The following GOSR2 variants were observed in gnomAD, a reference collection of about 807,000 sequenced individuals.
GOSR2 encodes 27 kDa Golgi SNARE protein.
A neutral mutation model predicts 27.9 loss-of-function variants in GOSR2; 20 were observed. The ratio of observed to expected loss-of-function variants is 0.72; its 90% CI spans 0.50 to 1.04. GOSR2 has a LOEUF of 1.04. GOSR2 is among the 50% of genes least tolerant of loss of function. The pLI, the probability that GOSR2 is intolerant of heterozygous loss-of-function variation, is 0.00. For missense variants in GOSR2, 261 were observed against 270.5 expected (o/e 0.97, Z 0.25); for synonymous variants, 91 against 98.8 (o/e 0.92, Z 0.47).
At chr17:46,942,945 C>T (rs1287778274), downstream of GOSR2, among the ~76,000 whole-genome samples, 1 of 152,178 alleles carries the variant, frequency 6.6e-6, no homozygotes, top group Non-Finnish European at 1.5e-5. Flanking sequence ...ATCCCCATGT[C>T]CCTCTAGTAC....
At chr17:46,962,251 C>A (rs1466015728) in intron 6 of GOSR2, among the ~76,000 whole-genome samples, 2 of 151,918 alleles carry the variant, frequency 1.3e-5, no homozygotes, top group African/African-American at 2.4e-5. Context: ...ATAATTTGAA[C>A]CCGGGAGGTG....
intron 2 of GOSR2, chr17:46,930,827 G>T: frequency 2.5e-6 from 1 of 392,718 alleles, no homozygotes; most frequent in Non-Finnish European, 4.6e-6. Flanking sequence ...TTTTCTAAAG[G>T]TAGGAAATTT....
intron 2 of GOSR2, 155 bp from the exon 3 acceptor site, chr17:46,930,944 A>T (rs2087274444): frequency 1.6e-6 from 1 of 639,022 alleles, no homozygotes; most frequent in East Asian, 2.7e-5. Context: ...CCTAACTTGA[A>T]TTTTTTCTGT....
At chr17:46,952,281 G>A (rs2090417819) in intron 6 of GOSR2, among the ~76,000 whole-genome samples, 1 of 152,208 alleles carries the variant, frequency 6.6e-6, no homozygotes, top group East Asian at 1.9e-4. Context: ...CCTGAAGCAG[G>A]CCTGGTCCAT....
At chr17:46,936,296 T>A (rs2088333338) in intron 5 of GOSR2, 1 of 985,208 alleles carries the variant, frequency 1.0e-6, no homozygotes, top group Non-Finnish European at 1.2e-6. Context: ...AAACTCCATG[T>A]CACACTGATG....
At chr17:46,930,547 A>G (rs928490323) in intron 2 of GOSR2, 20 of 154,352 alleles carry the variant, frequency 1.3e-4, no homozygotes, top group African/African-American at 4.6e-4. Flanking sequence ...GGGGACGTCA[A>G]CATTGCTCAG....
chr17:46,946,730 G>A (rs367627457), downstream of GOSR2, among the ~76,000 whole-genome samples: 2 of 152,128 alleles, frequency 1.3e-5, no homozygotes, highest in Non-Finnish European at 2.9e-5. Flanking sequence ...AGGCAAGTTG[G>A]TGTGCGCCTG....
chr17:46,955,554 G>C (rs1379423861), intron 6 of GOSR2: 1 of 152,122 alleles, frequency 6.6e-6, no homozygotes, highest in African/African-American at 2.4e-5. Context: ...GAAAAGACTT[G>C]ACATCTAAAC....
rs2147100357 is a variant in GOSR2, at chr17:46,941,745, T to A, written c.*2985T>A. The A allele has an allele frequency of 5.7e-6, 1 of 174,938 alleles. No individual in the cohort carries two copies. The highest frequency in any genetic ancestry group is 6.5e-5 in the Admixed American group (1 of 15,292). 10.8% of individuals were successfully genotyped at this position (174,938 alleles called of 1,614,324 possible). A position where few individuals can be genotyped will look rare whatever the true frequency, so the allele number is the denominator to read the frequency against. ...TGTGCCACCATGTCTGGCTAATTTTTTTTTTTTTTTTGTATTTTTTAGTAG... is the reference window on the plus strand; with the variant it reads ...TGTGCCACCATGTCTGGCTAATTTTATTTTTTTTTTTGTATTTTTTAGTAG... On this transcript the variant is annotated 3_prime_UTR_variant, in exon 6 of 6. Coordinates refer to ENST00000640051, the MANE Select transcript of GOSR2 (RefSeq NM_004287.5).
chr17:46,960,284 A>T (rs959085888), intron 6 of GOSR2, among the ~76,000 whole-genome samples: 2 of 152,240 alleles, frequency 1.3e-5, no homozygotes, highest in African/African-American at 4.8e-5. Flanking sequence ...GACAAATTAG[A>T]CACACAATGA....
rs189899 is a variant in GOSR2 at position 46,923,163 on chromosome 17, G to A, written c.-30G>A. The A allele has an allele frequency of 6.2e-6, 9 of 1,451,360 alleles. No individual in the cohort carries two copies. Among genetic ancestry groups the A allele is most frequent in the South Asian group, 4.9e-5 (4 of 82,102 alleles). 89.9% of individuals were successfully genotyped at this position (1,451,360 alleles called of 1,614,324 possible). A position where few individuals can be genotyped will look rare whatever the true frequency, so the allele number is the denominator to read the frequency against. On this transcript the variant is annotated 5_prime_UTR_variant, in exon 1 of 6. Coordinates refer to ENST00000640051, the MANE Select transcript of GOSR2 (RefSeq NM_004287.5). Reference sequence around the variant, plus strand: ...GAGGACGTGTTCCGAGGAAGCCAGAGCCGGAGCCGTGGCCTGCGGGGCCGG... The same window carrying A: ...GAGGACGTGTTCCGAGGAAGCCAGAACCGGAGCCGTGGCCTGCGGGGCCGG...
intron 1 of GOSR2, among the ~76,000 whole-genome samples, chr17:46,926,940 T>C (rs2086590304): frequency 6.6e-6 from 1 of 152,238 alleles, no homozygotes; most frequent in South Asian, 2.1e-4. Flanking sequence ...TGCTGGGTCA[T>C]AGCATGGACA....
chr17:46,972,004 C>G (rs1568220996), intron 6 of GOSR2, among the ~76,000 whole-genome samples: 1 of 152,164 alleles, frequency 6.6e-6, no homozygotes, highest in Non-Finnish European at 1.5e-5. Context: ...GCAGAGGGCA[C>G]AGGGCACGTG....
At chr17:46,946,282 C>CAAA (rs58163051), downstream of GOSR2, among the ~76,000 whole-genome samples, 14 of 126,726 alleles carry the variant, frequency 1.1e-4, no homozygotes, top group South Asian at 1.7e-3. Context: ...CTAAAAATAC[C>CAAA]AAAAAAAAAA....
At position 46,940,513 on chromosome 17, in the gene GOSR2, T is replaced by C. The variant is rs2089120053; in HGVS notation, c.*1753T>C. ...GCAGGACTTTTGGTAATCCATAAAATGGATTCTGAGACTGCGACGGCAAGG... is the reference window on the plus strand; with the variant it reads ...GCAGGACTTTTGGTAATCCATAAAACGGATTCTGAGACTGCGACGGCAAGG... On this transcript the variant is annotated 3_prime_UTR_variant, in exon 6 of 6. Transcript: ENST00000640051. 2 of 1,613,810 alleles carry C rather than the reference T, an allele frequency of 1.2e-6. No homozygotes were observed. The highest frequency in any genetic ancestry group is 1.7e-6 in the Non-Finnish European group (2 of 1,179,892).
At position 46,951,055 on chromosome 17, in the gene GOSR2, C is replaced by G. The variant is rs149581418; in HGVS notation, c.583+12351C>G. Among the ~76,000 whole-genome samples, 552 of 152,322 alleles carry G rather than the reference C, an allele frequency of 3.6e-3. 4 individuals are homozygous for G. The highest frequency in any genetic ancestry group is 7.0e-3 in the South Asian group (34 of 4,832). Reference sequence around the variant, plus strand: ...CCATGGCCTGTCACTGTACCATGTTCATGCCAGGCACAGCTAAGTCAGGGT... The same window carrying G: ...CCATGGCCTGTCACTGTACCATGTTGATGCCAGGCACAGCTAAGTCAGGGT... On this transcript the variant is annotated intron_variant, in intron 6 of 6. Transcript: ENST00000573224.
chr17:46,945,159 G>T (rs761825290), downstream of GOSR2, among the ~76,000 whole-genome samples: 1 of 152,238 alleles, frequency 6.6e-6, no homozygotes, highest in South Asian at 2.1e-4. Context: ...CGAGGGGCAG[G>T]AGTGGCCTGG....
chr17:46,944,150 G>C (rs893898360), downstream of GOSR2, among the ~76,000 whole-genome samples: 2 of 152,204 alleles, frequency 1.3e-5, no homozygotes, highest in Non-Finnish European at 2.9e-5. Context: ...GTACAAGAGG[G>C]GACATTCATC....
In GOSR2 at chr17:46,938,956, C is replaced by T. The variant is rs368780514; in HGVS notation, c.*196C>T. The T allele has an allele frequency of 1.6e-5, 23 of 1,473,784 alleles. No homozygotes were observed. The South Asian group carries it at 1.9e-4, about 12-fold the overall frequency. 91.3% of individuals were successfully genotyped at this position (1,473,784 alleles called of 1,614,324 possible). A position where few individuals can be genotyped will look rare whatever the true frequency, so the allele number is the denominator to read the frequency against. On this transcript the variant is annotated 3_prime_UTR_variant, in exon 6 of 6. Transcript: ENST00000640051. ...CATCTTGGAGGGGGAGCTAGTGCCA[C>T]CACCATGCGCGGTGCTTAGGAAATG...
Sources: allele counts gnomAD v4.1 joint callset (sites outside exome capture counted in the v4.1 genomes callset), GRCh38; gene constraint gnomAD v4.1.1; transcripts MANE v1.5; gene names NCBI Gene and HGNC (gene_info 2026-07-23, HGNC 2026-07-21).